Variants in TJP2 observed in about 807,000 individuals in gnomAD.
TJP2 encodes the protein tight junction protein 2.
In TJP2, 91 loss-of-function variants were observed where a neutral mutation model predicts 133.1. That is an observed-to-expected ratio of 0.68 (90% CI 0.58 to 0.81). TJP2 has a LOEUF of 0.81. Ranked by LOEUF, TJP2 falls within the 40% of genes least tolerant of loss-of-function variation. The pLI, the probability that TJP2 is intolerant of heterozygous loss-of-function variation, is 0.00. For missense variants in TJP2, 1,541 were observed against 1,565.6 expected (o/e 0.98, Z 0.26); for synonymous variants, 592 against 583.4 (o/e 1.01, Z -0.21).
intron 1 of TJP2, among the ~76,000 whole-genome samples, chr9:69,178,042 G>A (rs956404754): frequency 6.6e-6 from 1 of 152,060 alleles, no homozygotes; most frequent in South Asian, 2.1e-4. Flanking sequence ...GTTTTTTAAA[G>A]GGATTGGTGT....
Position 69,248,072 on chromosome 9 carries a change from G to C in TJP2, c.2728G>C (p.Asp910His). Residue 910 changes from aspartate (D) to histidine (H), a missense_variant, in exon 19 of 23, where the codon GAC becomes CAC. Transcript: ENST00000377245. ...GTCCTACTTAACCGCCATGGGCGCGGACTATCTGAGTTGCGACAGCCGCCT... is the reference window on the plus strand; with the variant it reads ...GTCCTACTTAACCGCCATGGGCGCGCACTATCTGAGTTGCGACAGCCGCCT... ...RMSYLTAMGA[D>H]YLSCDSRLIS... The C allele has an allele frequency of 1.2e-5, 19 of 1,614,130 alleles. No homozygotes were observed. The highest frequency in any genetic ancestry group is 1.6e-5 in the Non-Finnish European group (19 of 1,180,030).
In TJP2 at chr9:69,144,868, T is replaced by G. The variant is rs73449112; in HGVS notation, c.-130-6783T>G. Among the ~76,000 whole-genome samples, 168 of 152,298 alleles carry G rather than the reference T, an allele frequency of 1.1e-3. 1 individual carries two copies. The highest frequency in any genetic ancestry group is 4.0e-3 in the African/African-American group (165 of 41,572). On this transcript the variant is annotated intron_variant, in intron 1 of 5. Coordinates refer to the TJP2 transcript ENST00000423935. ...GTCATCTGTTCACCCCAGGGAAGACTGGTTGACCCAGTATGTGGATCATGT... is the reference window on the plus strand; with the variant it reads ...GTCATCTGTTCACCCCAGGGAAGACGGGTTGACCCAGTATGTGGATCATGT...
At chr9:69,220,029 T>A (rs1828693274) in intron 4 of TJP2, among the ~76,000 whole-genome samples, 1 of 152,152 alleles carries the variant, frequency 6.6e-6, no homozygotes, top group African/African-American at 2.4e-5. Flanking sequence ...TGTGCGCCTG[T>A]AATCCCAGCT....
At chr9:69,208,842 T>C (rs1827634369) in intron 1 of TJP2, among the ~76,000 whole-genome samples, 1 of 152,174 alleles carries the variant, frequency 6.6e-6, no homozygotes, top group East Asian at 1.9e-4. Flanking sequence ...CCTTAATTCA[T>C]GGGGCTATAA....
At chr9:69,198,682 C>T (rs1826773455) in intron 1 of TJP2, among the ~76,000 whole-genome samples, 1 of 152,160 alleles carries the variant, frequency 6.6e-6, no homozygotes. Context: ...GTGCTGTGAG[C>T]ACATCGCATA....
intron 17 of TJP2, among the ~76,000 whole-genome samples, chr9:69,242,647 A>G (rs1588144584): frequency 6.6e-6 from 1 of 152,094 alleles, no homozygotes; most frequent in Admixed American, 6.5e-5. Context: ...GCAAGCTCCA[A>G]TTTTCTAGCA....
intron 2 of TJP2, among the ~76,000 whole-genome samples, chr9:69,213,367 G>A (rs927121810): frequency 3.9e-5 from 6 of 152,008 alleles, no homozygotes; most frequent in African/African-American, 7.2e-5. Flanking sequence ...AGACGGTTCC[G>A]CATTTTTATT....
At chr9:69,212,191 G>A (rs745721577) in intron 1 of TJP2, among the ~76,000 whole-genome samples, 16 of 152,144 alleles carry the variant, frequency 1.1e-4, no homozygotes, top group Non-Finnish European at 2.2e-4. Flanking sequence ...GACAGGAAGA[G>A]GGGGAGAATG....
chr9:69,237,751 T>C, intron 14 of TJP2, 127 bp from the exon 15 acceptor site: 1 of 728,228 alleles, frequency 1.4e-6, no homozygotes, highest in Non-Finnish European at 2.5e-6. Flanking sequence ...AGAGCCAAGC[T>C]GAATTGGGGA....
At chr9:69,121,444 C>T (rs1013736683), upstream of TJP2, 7 of 745,604 alleles carry the variant, frequency 9.4e-6, no homozygotes, top group African/African-American at 1.3e-4. Context: ...CCTGCCCCCA[C>T]CCTGGATTTT....
chr9:69,144,932 T>G (rs1366463939), intron 1 of TJP2, among the ~76,000 whole-genome samples: 4 of 151,344 alleles, frequency 2.6e-5, no homozygotes, highest in African/African-American at 9.8e-5. Context: ...TGATAGGTGG[T>G]CCACCTTTAC....
intron 2 of TJP2, among the ~76,000 whole-genome samples, chr9:69,160,506 G>C (rs1037554794): frequency 3.3e-5 from 5 of 152,200 alleles, no homozygotes; most frequent in African/African-American, 7.2e-5. Context: ...AGTTTAGCTG[G>C]ATGTAGTCCT....
rs1831182904 is a variant in TJP2 at position 69,249,565 on chromosome 9, A to G, written c.2991+80A>G. The G allele has an allele frequency of 2.6e-6, 4 of 1,549,436 alleles. No homozygotes were observed. In the South Asian group the frequency reaches 4.8e-5, roughly 18 times the overall value. ...GCCTCCTGGACGGCCAGGGAGGAGC[A>G]TGCACACTGAGATGGTGTTTAATTA... On this transcript the variant is annotated intron_variant, in intron 20 of 22. Coordinates refer to ENST00000377245, the MANE Select transcript of TJP2 (RefSeq NM_004817.4).
At chr9:69,138,624 A>G (rs76219717) in intron 1 of TJP2, among the ~76,000 whole-genome samples, 2,884 of 152,182 alleles carry the variant, frequency 0.019, 99 homozygotes, top group African/African-American at 0.066. Context: ...AAAATTAGCC[A>G]GGCAGCCGGG....
At chr9:69,183,341 A>T (rs1453195130) in intron 1 of TJP2, among the ~76,000 whole-genome samples, 1 of 152,146 alleles carries the variant, frequency 6.6e-6, no homozygotes, top group African/African-American at 2.4e-5. Context: ...TCCAATGATT[A>T]CCACACCTAC....
intron 11 of TJP2, among the ~76,000 whole-genome samples, chr9:69,230,781 C>A (rs1211722520): frequency 6.6e-6 from 1 of 152,186 alleles, no homozygotes; most frequent in Non-Finnish European, 1.5e-5. Context: ...GACCAGGTAA[C>A]ACTTACAAGG....
chr9:69,237,841 AGTGT>A (rs1478791710), intron 14 of TJP2, 33 bp from the exon 15 acceptor site: 1 of 1,409,428 alleles, frequency 7.1e-7, no homozygotes, highest in African/African-American at 1.4e-5. Flanking sequence ...CAGCTAGGCA[AGTGT>A]GTATGCTTTA....
At chr9:69,247,523 A>T (rs1029078559) in intron 18 of TJP2, among the ~76,000 whole-genome samples, 10 of 152,296 alleles carry the variant, frequency 6.6e-5, no homozygotes, top group South Asian at 2.1e-4. Flanking sequence ...AGTATCTGGC[A>T]TCTATGGAGT....
intron 1 of TJP2, chr9:69,205,012 T>C (rs1256401973): frequency 1.3e-5 from 18 of 1,390,906 alleles, no homozygotes; most frequent in Admixed American, 2.9e-5. Flanking sequence ...ATCCCTGCCA[T>C]ATGGATGTGT....
Sources: gnomAD v4.1 joint callset for allele counts (sites outside exome capture counted in the v4.1 genomes callset) on GRCh38, gnomAD v4.1.1 for gene constraint, MANE v1.5 for transcripts, NCBI Gene and HGNC (gene_info 2026-07-23, HGNC 2026-07-21) for gene names.